The following KIF15 variants were observed in gnomAD, a reference collection of about 807,000 sequenced individuals.
KIF15 encodes the protein kinesin-like protein KIF15.
A neutral mutation model predicts 190.6 loss-of-function variants in KIF15; 140 were observed. The ratio of observed to expected loss-of-function variants is 0.73; its 90% CI spans 0.64 to 0.84. KIF15 has a LOEUF of 0.84. Ranked by LOEUF, KIF15 falls within the 40% of genes least tolerant of loss-of-function variation. The probability of loss-of-function intolerance (pLI) is 0.00; values close to 1 mark genes in which losing one functional copy is unlikely to be tolerated. For synonymous variants in KIF15, 528 were observed against 551.3 expected (o/e 0.96, Z 0.59); for missense variants, 1,372 against 1,584.4 (o/e 0.87, Z 2.28).
intron 6 of KIF15, among the ~76,000 whole-genome samples, chr3:44,785,949 G>A (rs751848865): frequency 6.6e-6 from 1 of 152,096 alleles, no homozygotes; most frequent in Admixed American, 6.6e-5. Flanking sequence ...AGCTGAGCAC[G>A]GTGGCTCACG....
At chr3:44,813,621 G>GT (rs1707898372) in intron 19 of KIF15, among the ~76,000 whole-genome samples, 1 of 129,340 alleles carries the variant, frequency 7.7e-6, no homozygotes, top group Non-Finnish European at 1.6e-5. Flanking sequence ...TTTTTGTTTT[G>GT]TTTGTTTTGT....
chr3:44,779,716 C>T (rs2125909991), intron 4 of KIF15, among the ~76,000 whole-genome samples: 1 of 151,746 alleles, frequency 6.6e-6, no homozygotes, highest in African/African-American at 2.4e-5. Context: ...TGCCTGTAGT[C>T]CCAGCTACTC....
chr3:44,788,782 T>G (rs1468887901), intron 7 of KIF15, among the ~76,000 whole-genome samples: 2 of 152,228 alleles, frequency 1.3e-5, no homozygotes, highest in Non-Finnish European at 2.9e-5. Context: ...CAATGTTACT[T>G]GTTTTCTGAA....
chr3:44,809,568 G>T (rs1707693447), intron 16 of KIF15, among the ~76,000 whole-genome samples: 1 of 152,052 alleles, frequency 6.6e-6, no homozygotes, highest in Non-Finnish European at 1.5e-5. Context: ...AATACAGCTA[G>T]GCATAGTGGC....
At chr3:44,772,373 T>G (rs1705681747) in intron 1 of KIF15, among the ~76,000 whole-genome samples, 1 of 152,204 alleles carries the variant, frequency 6.6e-6, no homozygotes, top group Admixed American at 6.5e-5. Flanking sequence ...TGGAGACTTT[T>G]CTATTTTTCC....
At chr3:44,787,400 A>C (rs1210977787) in intron 7 of KIF15, among the ~76,000 whole-genome samples, 1 of 152,182 alleles carries the variant, frequency 6.6e-6, no homozygotes, top group East Asian at 1.9e-4. Flanking sequence ...TTAAAACTCA[A>C]TGTGGTTTAT....
chr3:44,784,918 C>G lies in KIF15; in HGVS notation c.435C>G (p.Ser145=), dbSNP rs201784280. 1 of 1,565,850 alleles carries G rather than the reference C, an allele frequency of 6.4e-7. No homozygotes were observed. Among genetic ancestry groups the G allele is most frequent in the Admixed American group, 1.8e-5 (1 of 55,332 alleles). The change falls in exon 6 of 35, where the codon TCC becomes TCG. Residue 145 remains serine (S), a synonymous_variant. Transcript: ENST00000326047. ...VIPRSFEYLF[S]LIDREKEKAG... ...CACGAAGTTTTGAATATTTGTTTTC[C>G]TTAATTGATCGTGAAAAAGAAAAGG... is the stretch of plus-strand genomic sequence containing the variant.
At position 44,840,338 on chromosome 3, in the gene KIF15, C is replaced by T. The variant is rs1698528157; in HGVS notation, c.3319-17C>T. ...ATATTACTAAGTTGTAACCTTGTAT[C>T]TGTTCAATTTTCCCAGCTAAACCAA... On this transcript the variant is annotated splice_polypyrimidine_tract_variant and intron_variant, in intron 27 of 34. Coordinates refer to ENST00000326047, the MANE Select transcript of KIF15 (RefSeq NM_020242.3). 1.4e-6 allele frequency: 2 copies of T among 1,475,320 alleles called. No homozygotes were observed. Among genetic ancestry groups the T allele is most frequent in the African/African-American group, 1.4e-5 (1 of 71,244 alleles). The allele number at this position is 1,475,320 out of a possible 1,614,324, so 91.4% of individuals were successfully genotyped here. A position where few individuals can be genotyped will look rare whatever the true frequency, so the allele number is the denominator to read the frequency against.
chr3:44,784,695 A>G (rs1473773412), intron 5 of KIF15, 150 bp from the exon 6 acceptor site: 2 of 585,958 alleles, frequency 3.4e-6, no homozygotes, highest in African/African-American at 1.9e-5. Context: ...GAAAAATTTC[A>G]ATTTCTCTCA....
chr3:44,786,132 C>T (rs577590344), intron 6 of KIF15, among the ~76,000 whole-genome samples: 3 of 152,170 alleles, frequency 2.0e-5, no homozygotes, highest in Non-Finnish European at 4.4e-5. Flanking sequence ...AGAAGAATGG[C>T]GTGAACCTGG....
At chr3:44,829,918 T>G in intron 24 of KIF15, 53 bp from the exon 25 acceptor site, 3 of 989,918 alleles carry the variant, frequency 3.0e-6, no homozygotes, top group Middle Eastern at 2.3e-4. Context: ...ATTTAAAAAT[T>G]TTCTTCTCCT....
intron 1 of KIF15, among the ~76,000 whole-genome samples, chr3:44,764,742 TA>T (rs10711625): frequency 0.6 from 91,367 of 151,850 alleles, 28,016 homozygotes; most frequent in East Asian, 0.89. Context: ...TTCAAGTGAT[TA>T]CTCCTGCCTC....
intron 7 of KIF15, among the ~76,000 whole-genome samples, chr3:44,787,444 C>A (rs569883273): frequency 6.6e-6 from 1 of 152,092 alleles, no homozygotes; most frequent in Non-Finnish European, 1.5e-5. Flanking sequence ...ATTTTCACTG[C>A]TGTATGATAT....
chr3:44,839,991 A>T (rs1698510766), intron 27 of KIF15, among the ~76,000 whole-genome samples: 1 of 152,232 alleles, frequency 6.6e-6, no homozygotes. Context: ...AGAACATGGG[A>T]GTGCCGCTGT....
At chr3:44,843,510 A>T (rs1274270757) in intron 30 of KIF15, among the ~76,000 whole-genome samples, 6 of 152,260 alleles carry the variant, frequency 3.9e-5, no homozygotes, top group African/African-American at 7.2e-5. Flanking sequence ...ATTTAAAAAA[A>T]TTTTTTTAAG....
chr3:44,783,759 CA>C (rs1706275415), intron 5 of KIF15, among the ~76,000 whole-genome samples: 1 of 152,106 alleles, frequency 6.6e-6, no homozygotes, highest in African/African-American at 2.4e-5. Flanking sequence ...CTACCAAAGA[CA>C]ACTATTATAT....
chr3:44,852,775 A>G lies in KIF15; in HGVS notation c.*40A>G. 3 of 1,519,710 alleles carry G rather than the reference A, an allele frequency of 2.0e-6. No individual in the cohort carries two copies. The highest frequency in any genetic ancestry group is 1.2e-5 in the South Asian group (1 of 81,746). 94.1% of individuals were successfully genotyped at this position (1,519,710 alleles called of 1,614,324 possible). On this transcript the variant is annotated 3_prime_UTR_variant, in exon 35 of 35. Coordinates refer to ENST00000326047, the MANE Select transcript of KIF15 (RefSeq NM_020242.3). ...TACCTAGGCATCACCTTGTTTGAAGATGTTTCTTCTCTTTTACAAGTAAGA... is the reference window on the plus strand; with the variant it reads ...TACCTAGGCATCACCTTGTTTGAAGGTGTTTCTTCTCTTTTACAAGTAAGA...
At chr3:44,813,231 A>T (rs368442133) in intron 19 of KIF15, 51 bp downstream of exon 19, 5 of 997,446 alleles carry the variant, frequency 5.0e-6, no homozygotes, top group African/African-American at 3.3e-5. Context: ...CTGTAACTCA[A>T]TATCTTTTTA....
At chr3:44,827,884 A>G (rs951520720) in intron 23 of KIF15, among the ~76,000 whole-genome samples, 1 of 152,040 alleles carries the variant, frequency 6.6e-6, no homozygotes, top group African/African-American at 2.4e-5. Flanking sequence ...GGGTTTCACC[A>G]TGTTGCCCAG....
Sources: gnomAD v4.1 joint callset for allele counts (sites outside exome capture counted in the v4.1 genomes callset) on GRCh38, gnomAD v4.1.1 for gene constraint, MANE v1.5 for transcripts, NCBI Gene and HGNC (gene_info 2026-07-23, HGNC 2026-07-21) for gene names.